SLC5A8: variants seen among roughly 807,000 people sequenced by gnomAD.
SLC5A8 encodes sodium-coupled monocarboxylate transporter 1.
A neutral mutation model predicts 71.9 loss-of-function variants in SLC5A8; 55 were observed. The observed-to-expected ratio is 0.77, with a 90% CI of 0.62 to 0.96. The LOEUF (loss-of-function observed/expected upper bound fraction) is 0.96. Ranked by LOEUF, SLC5A8 falls within the 40% of genes least tolerant of loss-of-function variation. SLC5A8 has a pLI of 0.00. For synonymous variants in SLC5A8, 307 were observed against 276.1 expected, an observed-to-expected ratio of 1.11 and a Z score of -1.11; for missense variants, 701 against 745.3, an observed-to-expected ratio of 0.94 and a Z score of 0.69.
intron 10 of SLC5A8, among the ~76,000 whole-genome samples, chr12:101,170,736 C>A (rs2137130406): frequency 6.6e-6 from 1 of 152,228 alleles, no homozygotes; most frequent in South Asian, 2.1e-4. Context: ...AGATTCCATC[C>A]CCCCAGACTG....
intron 9 of SLC5A8, among the ~76,000 whole-genome samples, chr12:101,182,082 C>T (rs1868392267): frequency 6.6e-6 from 1 of 152,178 alleles, no homozygotes; most frequent in Non-Finnish European, 1.5e-5. Context: ...ACATTTGAGA[C>T]ATCTGGGAAC....
intron 7 of SLC5A8, 27 bp downstream of exon 7, chr12:101,187,359 A>G: frequency 6.3e-7 from 1 of 1,596,154 alleles, no homozygotes; most frequent in Non-Finnish European, 8.5e-7. Context: ...TTATTAATAC[A>G]CCTGTAAGAA....
chr12:101,195,184 A>T, intron 3 of SLC5A8, 22 bp from the exon 4 acceptor site: 4 of 1,611,788 alleles, frequency 2.5e-6, no homozygotes, highest in Non-Finnish European at 3.4e-6. Flanking sequence ...AATAGAATGC[A>T]TATATAATTG....
chr12:101,159,840 G>A (rs2051708151), intron 13 of SLC5A8, among the ~76,000 whole-genome samples: 1 of 152,210 alleles, frequency 6.6e-6, no homozygotes, highest in African/African-American at 2.4e-5. Context: ...CTGGTTAGGT[G>A]TATTCCAGAT....
intron 13 of SLC5A8, 30 bp downstream of exon 13, chr12:101,161,944 A>G: frequency 6.8e-7 from 1 of 1,474,068 alleles, no homozygotes; most frequent in Non-Finnish European, 9.5e-7. Flanking sequence ...ATAGAGGTAA[A>G]TACAACAATA....
rs73391404 is a variant in SLC5A8, at chr12:101,156,824, C to T, written c.*455G>A. The T allele has an allele frequency of 0.018, 2,785 of 158,782 alleles. 96 individuals carry two copies. The highest frequency in any genetic ancestry group is 0.063 in the African/African-American group (2,601 of 41,544). 9.8% of individuals were successfully genotyped at this position (158,782 alleles called of 1,614,324 possible). ...ACAACACAGACCTGTTACCTCATTG[C>T]TCCCTAAGAATGGTGTATGTGGTAG... is the stretch of plus-strand genomic sequence containing the variant. On this transcript the variant is annotated 3_prime_UTR_variant, in exon 15 of 15. Transcript: ENST00000536262.
intron 10 of SLC5A8, among the ~76,000 whole-genome samples, chr12:101,171,419 T>C (rs1412834638): frequency 1.3e-5 from 2 of 152,142 alleles, no homozygotes; most frequent in Non-Finnish European, 2.9e-5. Flanking sequence ...CCCCTGACCC[T>C]GAGGGGGTCA....
At chr12:101,194,609 G>A (rs1272494622) in intron 4 of SLC5A8, among the ~76,000 whole-genome samples, 2 of 152,090 alleles carry the variant, frequency 1.3e-5, no homozygotes, top group Non-Finnish European at 2.9e-5. Context: ...GGGACTACAG[G>A]TGTATGCCAC....
intron 12 of SLC5A8, among the ~76,000 whole-genome samples, chr12:101,163,725 T>C (rs534157770): frequency 2.6e-5 from 4 of 152,206 alleles, no homozygotes; most frequent in East Asian, 1.9e-4. Flanking sequence ...GGGGAACACA[T>C]TGAGTTGAGC....
Position 101,180,096 on chromosome 12 carries a change from C to A in SLC5A8, c.1166G>T (p.Ser389Ile), listed in dbSNP as rs2051918478. Reference protein sequence around the residue: ...RSLSWISQGMSVVYGALCIGM... With the variant: ...RSLSWISQGMIVVYGALCIGM... ...AATACACAGGGCTCCATACACCACA[C>A]CTAAATGGACAACATAAAAGCCAGT... Residue 389 changes from serine to isoleucine, a missense_variant and splice_region_variant, in exon 10 of 15, where the codon AGT (serine) becomes ATT (isoleucine). Physicochemically the swap from Ser to Ile is moderately radical, Grantham distance 142. Transcript: ENST00000536262. The A allele has an allele frequency of 6.2e-7, 1 of 1,614,090 alleles. No individual in the cohort carries two copies. The highest frequency in any genetic ancestry group is 8.5e-7 in the Non-Finnish European group (1 of 1,179,982).
At chr12:101,198,672 C>T (rs543465748) in intron 3 of SLC5A8, among the ~76,000 whole-genome samples, 5 of 151,906 alleles carry the variant, frequency 3.3e-5, no homozygotes, top group African/African-American at 7.2e-5. Context: ...AAAGAGTAGG[C>T]CCAGATGCCT....
At position 101,193,760 on chromosome 12, in the gene SLC5A8, A is replaced by ATAAC; in HGVS notation, c.553_556dup (p.Ile186SerfsTer36). 3 of 1,614,108 alleles carry ATAAC rather than the reference A, an allele frequency of 1.9e-6. No individual in the cohort carries two copies. Among genetic ancestry groups the ATAAC allele is most frequent in the Non-Finnish European group, 2.5e-6 (3 of 1,180,002 alleles). ...CCCAACTTGAAAAACATCTGTCCAGATAACTGCTTTAAGACCACCCTTTGA... is the reference window on the plus strand; with the variant it reads ...CCCAACTTGAAAAACATCTGTCCAGATAACTAACTGCTTTAAGACCACCCTTTGA... On this transcript the variant is annotated frameshift_variant, in exon 5 of 15. Transcript: ENST00000536262. LOFTEE classifies it high-confidence loss of function.
At position 101,182,433 on chromosome 12, in the gene SLC5A8, C is replaced by A. The variant is rs576397064; in HGVS notation, c.1165+370G>T. Among the ~76,000 whole-genome samples, 3 of 152,246 alleles carry A rather than the reference C, an allele frequency of 2.0e-5. No homozygotes were observed. In the East Asian group the frequency reaches 5.8e-4, roughly 29 times the overall value. On this transcript the variant is annotated intron_variant, in intron 9 of 14. Coordinates refer to ENST00000536262, the MANE Select transcript of SLC5A8 (RefSeq NM_145913.5). ...TACAAACTAGGGATATTTCTTAGAA[C>A]TGTGGACTACAGTTGAAAAGGAAAA...
Position 101,195,015 on chromosome 12 carries a change from T to A in SLC5A8, c.537+80A>T, listed in dbSNP as rs867421944. The A allele has an allele frequency of 1.7e-5, 23 of 1,375,956 alleles. No individual in the cohort carries two copies. In the East Asian group the frequency reaches 4.6e-4, roughly 28 times the overall value. The allele number at this position is 1,375,956 out of a possible 1,614,324, so 85.2% of individuals were successfully genotyped here. A position where few individuals can be genotyped will look rare whatever the true frequency, so the allele number is the denominator to read the frequency against. On this transcript the variant is annotated intron_variant, in intron 4 of 14. Transcript: ENST00000536262. ...GGAGAGTAAGTGTGGACAAACAAGA[T>A]TGCGGTATACAACAACTGGAATTTT...
At chr12:101,203,874 T>C (rs1033770603) in intron 2 of SLC5A8, among the ~76,000 whole-genome samples, 1 of 152,226 alleles carries the variant, frequency 6.6e-6, no homozygotes, top group Non-Finnish European at 1.5e-5. Context: ...TTTCCCTTTG[T>C]GTCAATCAGT....
chr12:101,183,267 G>T (rs1325873112), intron 8 of SLC5A8, among the ~76,000 whole-genome samples: 1 of 151,830 alleles, frequency 6.6e-6, no homozygotes, highest in African/African-American at 2.4e-5. Context: ...GGATGGTCTC[G>T]ATCTCCTGAC....
chr12:101,187,444 T>C lies in SLC5A8; in HGVS notation c.905A>G (p.Tyr302Cys), dbSNP rs1195719680. 1.9e-6 allele frequency: 3 copies of C among 1,613,996 alleles called. No homozygotes were observed. The highest frequency in any genetic ancestry group is 2.5e-6 in the Non-Finnish European group (3 of 1,179,954). The change falls in exon 7 of 15, where the codon TAT (tyrosine) becomes TGT (cysteine). Residue 302 changes from tyrosine to cysteine, a missense_variant. Coordinates refer to ENST00000536262, the MANE Select transcript of SLC5A8 (RefSeq NM_145913.5). Reference sequence around the variant, plus strand: ...AGGATCACAGTCATGGTACCTGGAATATAGGGCGAGCCCACAAAACACTGA... The same window carrying C: ...AGGATCACAGTCATGGTACCTGGAACATAGGGCGAGCCCACAAAACACTGA... Reference protein sequence around the residue: ...TCSVFCGLALYSRYHDCDPWT... With the variant: ...TCSVFCGLALCSRYHDCDPWT...
intron 6 of SLC5A8, among the ~76,000 whole-genome samples, chr12:101,189,037 G>A (rs137920056): frequency 5.6e-4 from 85 of 152,214 alleles, no homozygotes; most frequent in South Asian, 2.3e-3. Context: ...CCTGGGTTTC[G>A]AGAGTCTGCT....
At position 101,162,078 on chromosome 12, in the gene SLC5A8, C is replaced by G; in HGVS notation, c.1527-1G>C. The G allele has an allele frequency of 6.2e-7, 1 of 1,606,392 alleles. No homozygotes were observed. Among genetic ancestry groups the G allele is most frequent in the Non-Finnish European group, 8.5e-7 (1 of 1,173,414 alleles). ...ATACCAGTTATCCATCAGTGGAGTC[C>G]TAAGAGAGCAAAAACACAACGGTAA... On this transcript the variant is annotated splice_acceptor_variant, in intron 12 of 14. Coordinates refer to ENST00000536262, the MANE Select transcript of SLC5A8 (RefSeq NM_145913.5). LOFTEE classifies it high-confidence loss of function.
Sources: allele counts gnomAD v4.1 joint callset (sites outside exome capture counted in the v4.1 genomes callset), GRCh38; gene constraint gnomAD v4.1.1; transcripts MANE v1.5; gene names NCBI Gene and HGNC (gene_info 2026-07-23, HGNC 2026-07-21).